Variants in CACNA1C observed in about 807,000 individuals in gnomAD.
CACNA1C encodes the protein voltage-dependent L-type calcium channel subunit alpha-1C.
Under a neutral mutation model 229.0 loss-of-function variants are expected in CACNA1C, and 30 were observed. That is an observed-to-expected ratio of 0.13 (90% confidence interval 0.10 to 0.18). The LOEUF (loss-of-function observed/expected upper bound fraction) is 0.18, where lower values mean the gene tolerates loss of function less well. Ranked by LOEUF, CACNA1C falls within the 10% of genes least tolerant of loss-of-function variation. The pLI is 1.00. For missense variants in CACNA1C, 1,658 were observed against 2,845.0 expected, an observed-to-expected ratio of 0.58 and a Z score of 9.49; for synonymous variants, 1,114 against 1,132.5, an observed-to-expected ratio of 0.98 and a Z score of 0.33.
Position 2,647,276 on chromosome 12 carries a change from G to T in CACNA1C, c.3913-1199G>T, listed in dbSNP as rs2094457731. Among the ~76,000 whole-genome samples the T allele has an allele frequency of 6.6e-6, 1 of 152,202 alleles. No individual in the cohort carries two copies. The highest frequency in any genetic ancestry group is 2.4e-5 in the African/African-American group (1 of 41,456). ...TTAGCAGCTCAGATGGTCAAGATCA[G>T]TCGGGGCTGAGCCCTCTGTGCTGGA... On this transcript the variant is annotated intron_variant, in intron 30 of 46. Coordinates refer to ENST00000399655, the MANE Select transcript of CACNA1C (RefSeq NM_000719.7). This position sits in a 1 kb window ranked among gnomAD's most constrained non-coding sequence, Gnocchi z 4.2.
At chr12:2,339,175 C>T (rs1290806147) in intron 3 of CACNA1C, among the ~76,000 whole-genome samples, 1 of 152,242 alleles carries the variant, frequency 6.6e-6, no homozygotes, top group African/African-American at 2.4e-5. Context: ...CGTAGCCCAT[C>T]GTTCCTTGGA....
intron 8 of CACNA1C, among the ~76,000 whole-genome samples, chr12:2,507,853 T>C (rs1180494372): frequency 6.6e-6 from 1 of 152,198 alleles, no homozygotes; most frequent in African/African-American, 2.4e-5. Context: ...CTCTGTGGTG[T>C]ACTCTCCCCA....
At chr12:1,999,477 T>C (rs1372809901) in intron 1 of CACNA1C, among the ~76,000 whole-genome samples, 1 of 152,200 alleles carries the variant, frequency 6.6e-6, no homozygotes, top group East Asian at 1.9e-4. Flanking sequence ...TCTGGGAGGC[T>C]GAGGCAGGCA....
In CACNA1C at chr12:2,327,581, A is replaced by T. The variant is rs149005914; in HGVS notation, c.478-121395A>T. The stretch of plus-strand genomic sequence containing the variant: ...CACTCCATCCATTTCTAACATTCTG[A>T]CCTAACGGTAGTTCTGAGAGGTGTT... On this transcript the variant is annotated intron_variant, in intron 3 of 46. Coordinates refer to ENST00000399655, the MANE Select transcript of CACNA1C (RefSeq NM_000719.7). Among the ~76,000 whole-genome samples, 169 of 152,198 alleles carry T rather than the reference A, an allele frequency of 1.1e-3. 1 individual carries two copies. Among genetic ancestry groups the T allele is most frequent in the African/African-American group, 4.0e-3 (166 of 41,520 alleles).
chr12:2,278,372 C>T (rs139500932), intron 3 of CACNA1C, among the ~76,000 whole-genome samples: 90 of 152,332 alleles, frequency 5.9e-4, no homozygotes, highest in Middle Eastern at 6.8e-3. Context: ...ATCCATCACT[C>T]CCAAAAGTTT....
In CACNA1C at chr12:2,694,444, C is replaced by A. The variant is rs1261281749; in HGVS notation, c.*3245C>A. On this transcript the variant is annotated 3_prime_UTR_variant, in exon 47 of 47. Transcript: ENST00000399655. ...GGTCTGCAGTTTGGTCAACTTAATTCTTGTCCTCCGACCAGCCCTGCCTCT... is the reference window on the plus strand; with the variant it reads ...GGTCTGCAGTTTGGTCAACTTAATTATTGTCCTCCGACCAGCCCTGCCTCT... 1 of 152,272 alleles carries A rather than the reference C, an allele frequency of 6.6e-6. No homozygotes were observed. Among genetic ancestry groups the A allele is most frequent in the Non-Finnish European group, 1.5e-5 (1 of 68,066 alleles). 9.4% of individuals were successfully genotyped at this position (152,272 alleles called of 1,614,324 possible).
In CACNA1C at chr12:2,142,511, G is replaced by A. The variant is rs138583569; in HGVS notation, c.477+22081G>A. The stretch of plus-strand genomic sequence containing the variant: ...CTATACTTTTAACTGTTATTTTAGA[G>A]TATACTCCTACTTATTAAAACAAAC... On this transcript the variant is annotated intron_variant, in intron 3 of 46. Transcript: ENST00000399655. Among the ~76,000 whole-genome samples, 138 of 151,400 alleles carry A rather than the reference G, an allele frequency of 9.1e-4. 4 individuals are homozygous for A. The highest frequency in any genetic ancestry group is 1.4e-3 in the Non-Finnish European group (94 of 67,616).
intron 5 of CACNA1C, among the ~76,000 whole-genome samples, chr12:2,460,799 A>T (rs2099495766): frequency 1.3e-5 from 2 of 152,230 alleles, no homozygotes; most frequent in South Asian, 4.1e-4. Context: ...TAGGAGCAGC[A>T]ACGGTGTCTG....
At chr12:2,292,008 C>T (rs933461981) in intron 3 of CACNA1C, among the ~76,000 whole-genome samples, 2 of 152,208 alleles carry the variant, frequency 1.3e-5, no homozygotes, top group Non-Finnish European at 2.9e-5. Flanking sequence ...TAATGACCTG[C>T]CCAGGTCTCA....
Position 2,575,606 on chromosome 12 carries a change from T to A in CACNA1C, c.1896-5984T>A, listed in dbSNP as rs968463237. Among the ~76,000 whole-genome samples the A allele has an allele frequency of 1.7e-4, 26 of 152,198 alleles. No individual in the cohort carries two copies. The highest frequency in any genetic ancestry group is 6.3e-4 in the African/African-American group (26 of 41,444). On this transcript the variant is annotated intron_variant, in intron 13 of 46. Coordinates refer to ENST00000399655, the MANE Select transcript of CACNA1C (RefSeq NM_000719.7). This position sits in a 1 kb window ranked among gnomAD's most constrained non-coding sequence, Gnocchi z 4.0. ...AGGGGACTGCTTTATAACTGCTCTT[T>A]TAACAATAGATCACTTGCCACCGAA... is the stretch of plus-strand genomic sequence containing the variant.
intron 3 of CACNA1C, among the ~76,000 whole-genome samples, chr12:2,134,534 TG>T (rs1299325253): frequency 2.0e-3 from 274 of 139,770 alleles, no homozygotes; most frequent in African/African-American, 6.8e-3. Context: ...TTTGCTTGTC[TG>T]TAAAGTATTT....
At position 2,071,503 on chromosome 12, in the gene CACNA1C, A is replaced by G. The variant is rs545392856; in HGVS notation, c.49+17892A>G. Among the ~76,000 whole-genome samples the G allele has an allele frequency of 2.6e-4, 39 of 152,216 alleles. No homozygotes were observed. In the South Asian group the frequency reaches 3.1e-3, roughly 12 times the overall value. ...TTCTTAAAGTGCTGGGATTATAGGC[A>G]TGAGCTACTACCGCTCCCAGCCTCA... On this transcript the variant is annotated intron_variant, in intron 1 of 46. Transcript: ENST00000399655.
chr12:2,605,549 G>A lies in CACNA1C; in HGVS notation c.3049-130G>A, dbSNP rs1426900197. 8.5e-6 allele frequency: 6 copies of A among 703,720 alleles called. No homozygotes were observed. The highest frequency in any genetic ancestry group is 4.8e-4 in the Middle Eastern group (2 of 4,144). 43.6% of individuals were successfully genotyped at this position (703,720 alleles called of 1,614,324 possible). ...GTCCATCACTTCCCATGTGACTTTG[G>A]GAGCGTGGCTTTGCCCCTCTCAGCC... On this transcript the variant is annotated intron_variant, in intron 23 of 46. Coordinates refer to ENST00000399655, the MANE Select transcript of CACNA1C (RefSeq NM_000719.7). This position sits in a 1 kb window ranked among gnomAD's most constrained non-coding sequence, Gnocchi z 6.2.
chr12:2,256,500 G>T (rs529746609), intron 3 of CACNA1C, among the ~76,000 whole-genome samples: 6 of 152,284 alleles, frequency 3.9e-5, no homozygotes, highest in Admixed American at 2.0e-4. Context: ...GCTTCATGCT[G>T]TTTGGAAAAT....
intron 3 of CACNA1C, among the ~76,000 whole-genome samples, chr12:2,291,209 G>A (rs2093465858): frequency 6.6e-6 from 1 of 152,194 alleles, no homozygotes; most frequent in African/African-American, 2.4e-5. Flanking sequence ...AACAATAAAA[G>A]GTCCTTCCTT....
chr12:2,384,765 C>T (rs975135427), intron 3 of CACNA1C, among the ~76,000 whole-genome samples: 5 of 152,192 alleles, frequency 3.3e-5, no homozygotes, highest in African/African-American at 4.8e-5. Flanking sequence ...ACTGCAGGGA[C>T]AGATGAACTC....
intron 42 of CACNA1C, chr12:2,681,962 T>G (rs1334027357): frequency 6.2e-7 from 1 of 1,602,232 alleles, no homozygotes; most frequent in South Asian, 1.1e-5. Flanking sequence ...AAAGGCACGT[T>G]CCGATGTGTG....
Position 2,034,909 on chromosome 12 carries a change from A to G in CACNA1C, c.139+63708A>G, listed in dbSNP as rs536286307. Among the ~76,000 whole-genome samples, 3 of 152,352 alleles carry G rather than the reference A, an allele frequency of 2.0e-5. No individual in the cohort carries two copies. The East Asian group carries it at 5.8e-4, about 29-fold the overall frequency. ...AGGATGCTATGGGACACCGAATCCA[A>G]CTTTGCGGGACAGGGGAAGAAGCCT... On this transcript the variant is annotated intron_variant, in intron 1 of 46. Coordinates refer to the CACNA1C transcript ENST00000682462. This position sits in a 1 kb window ranked among gnomAD's most constrained non-coding sequence, Gnocchi z 4.1.
At chr12:2,035,105 C>T (rs912782747) in intron 1 of CACNA1C, among the ~76,000 whole-genome samples, 3 of 152,186 alleles carry the variant, frequency 2.0e-5, no homozygotes, top group Admixed American at 2.0e-4. Flanking sequence ...GCGCGGAGAC[C>T]GCAAGGCCCG....
Sources: allele counts gnomAD v4.1 joint callset (sites outside exome capture counted in the v4.1 genomes callset), GRCh38; gene constraint gnomAD v4.1.1; non-coding constraint Gnocchi (gnomAD v3.1); transcripts MANE v1.5; gene names NCBI Gene and HGNC (gene_info 2026-07-23, HGNC 2026-07-21).